ADCY4: variants seen among roughly 807,000 people sequenced by gnomAD.
The protein encoded by ADCY4 is adenylate cyclase type 4.
ADCY4 carries 111 observed loss-of-function variants against 125.5 expected under a neutral mutation model. The observed-to-expected ratio is 0.88, with a 90% CI of 0.76 to 1.04. The LOEUF is 1.04. ADCY4 is among the 50% of genes least tolerant of loss of function. The pLI is 0.00. For synonymous variants in ADCY4, 576 were observed against 586.9 expected (o/e 0.98, Z 0.27); for missense variants, 1,256 against 1,382.9 (o/e 0.91, Z 1.46).
chr14:24,328,260 G>A lies in ADCY4; in HGVS notation c.1524+801C>T, dbSNP rs549062835. Among the ~76,000 whole-genome samples, 84 of 151,876 alleles carry A rather than the reference G, an allele frequency of 5.5e-4. 1 individual carries two copies. Among genetic ancestry groups the A allele is most frequent in the Middle Eastern group, 3.4e-3 (1 of 292 alleles). On this transcript the variant is annotated intron_variant, in intron 10 of 24. Coordinates refer to ENST00000418030, the MANE Select transcript of ADCY4 (RefSeq NM_001198568.2). ...GGGGGGGGTCTCCCTTTCCCTGGGG[G>A]AGTTTAGAGAAGACTCTGCTCCTCC...
Position 24,319,510 on chromosome 14 carries a change from A to C in ADCY4, c.2734-74T>G, listed in dbSNP as rs781754772. The C allele has an allele frequency of 3.2e-5, 48 of 1,483,482 alleles. No individual in the cohort carries two copies. Among genetic ancestry groups the C allele is most frequent in the Non-Finnish European group, 4.1e-5 (44 of 1,068,482 alleles). 91.9% of individuals were successfully genotyped at this position (1,483,482 alleles called of 1,614,324 possible). On this transcript the variant is annotated intron_variant, in intron 21 of 24. Coordinates refer to ENST00000418030, the MANE Select transcript of ADCY4 (RefSeq NM_001198568.2). This position sits in a 1 kb window ranked among gnomAD's most constrained non-coding sequence, Gnocchi z 4.5. The stretch of plus-strand genomic sequence containing the variant: ...CACCTCTCCCAGAAGCCCAGCCCCA[A>C]GCCTTTGGAGTTAAAGGATCAGGCT...
In ADCY4 at chr14:24,326,310, C is replaced by G; in HGVS notation, c.1557G>C (p.Trp519Cys). 6.2e-7 allele frequency: 1 copy of G among 1,614,062 alleles called. No homozygotes were observed. Among genetic ancestry groups the G allele is most frequent in the Non-Finnish European group, 8.5e-7 (1 of 1,180,020 alleles). The change falls in exon 11 of 25, where the codon TGG becomes TGC. Residue 519 changes from tryptophan (W) to cysteine (C), a missense_variant. Physicochemically the swap from Trp to Cys is radical, Grantham distance 215 (BLOSUM62 -2). Coordinates refer to ENST00000418030, the MANE Select transcript of ADCY4 (RefSeq NM_001198568.2). Reference protein sequence around the residue: ...EKTLASFSTQWSLDRSRTPRG... With the variant: ...EKTLASFSTQCSLDRSRTPRG... ...TGAGGCCTCCTCACCGATCCAGGCT[C>G]CACTGGGTGCTGAAGGAAGCCAGGG...
chr14:24,328,929 C>A (rs750119468), intron 10 of ADCY4, 132 bp downstream of exon 10: 2 of 1,197,776 alleles, frequency 1.7e-6, no homozygotes, highest in African/African-American at 3.0e-5. Flanking sequence ...CAAGACAGTT[C>A]GGGACTTTGG....
chr14:24,332,736 G>A, intron 2 of ADCY4, 53 bp from the exon 3 acceptor site: 1 of 1,547,014 alleles, frequency 6.5e-7, no homozygotes, highest in Non-Finnish European at 8.8e-7. Context: ...TTCAAGGCCT[G>A]GTGAGGGATC....
chr14:24,329,329 G>A (rs551022536), intron 9 of ADCY4, 72 bp downstream of exon 9: 32 of 1,569,550 alleles, frequency 2.0e-5, no homozygotes, highest in Non-Finnish European at 2.6e-5. Context: ...CTCTGGCACA[G>A]AAGAGATCAG....
intron 10 of ADCY4, among the ~76,000 whole-genome samples, chr14:24,328,061 C>G (rs1054201244): frequency 1.2e-4 from 18 of 152,166 alleles, no homozygotes; most frequent in Admixed American, 1.2e-3. Flanking sequence ...GACCAGAAGA[C>G]AGGAGTGCGA....
rs372166752 is a variant in ADCY4, at chr14:24,333,007, G to A, written c.160-19C>T. The A allele has an allele frequency of 1.6e-5, 24 of 1,505,980 alleles. No homozygotes were observed. In the African/African-American group the frequency reaches 2.8e-4, roughly 18 times the overall value. The allele number at this position is 1,505,980 out of a possible 1,614,324, so 93.3% of individuals were successfully genotyped here. A position where few individuals can be genotyped will look rare whatever the true frequency, so the allele number is the denominator to read the frequency against. On this transcript the variant is annotated intron_variant, in intron 1 of 24. Transcript: ENST00000418030. ...TCAGCTCCTGTGGGCAGGGGTGTGT[G>A]AGGCAAGATTGTGACAGGGAGAAGG...
Position 24,332,039 on chromosome 14 carries a change from G to T in ADCY4, c.520-102C>A, listed in dbSNP as rs74036608. 427 of 1,346,072 alleles carry T rather than the reference G, an allele frequency of 3.2e-4. No homozygotes were observed. The African/African-American group carries it at 6.0e-3, about 19-fold the overall frequency. 83.4% of individuals were successfully genotyped at this position (1,346,072 alleles called of 1,614,324 possible). On this transcript the variant is annotated intron_variant, in intron 3 of 24. Transcript: ENST00000418030. ...TGGCTGGGGAAGACTGGGCTTTACAGTGAGGGACCTAACTATTGTGGGACA... is the reference window on the plus strand; with the variant it reads ...TGGCTGGGGAAGACTGGGCTTTACATTGAGGGACCTAACTATTGTGGGACA...
Position 24,319,746 on chromosome 14 carries a change from T to A in ADCY4, c.2729A>T (p.Asp910Val). The change falls in exon 21 of 25, where the codon GAT becomes GTT. Residue 910 changes from aspartate to valine, a missense_variant. Asp to Val is a radical substitution (Grantham distance 152, BLOSUM62 -3). Coordinates refer to ENST00000418030, the MANE Select transcript of ADCY4 (RefSeq NM_001198568.2). The surrounding 1 kb of genome is among the most constrained non-coding windows in gnomAD (Gnocchi z 4.5). ...GGAGACTCTTGGAATTTTCACCTCATCAAAATCAGCAATTATCTCATTGAG... is the reference window on the plus strand; with the variant it reads ...GGAGACTCTTGGAATTTTCACCTCAACAAAATCAGCAATTATCTCATTGAG... ...RLLNEIIADFDELLSKPKFSG... is the reference protein window; with the variant it reads ...RLLNEIIADFVELLSKPKFSG... 1 of 1,614,146 alleles carries A rather than the reference T, an allele frequency of 6.2e-7. No individual in the cohort carries two copies. The highest frequency in any genetic ancestry group is 8.5e-7 in the Non-Finnish European group (1 of 1,180,022).
chr14:24,320,344 A>G (rs2041833230), intron 20 of ADCY4, among the ~76,000 whole-genome samples: 1 of 152,220 alleles, frequency 6.6e-6, no homozygotes, highest in African/African-American at 2.4e-5. Context: ...GGGTAAGATA[A>G]TAAAGATGGA....
Position 24,328,885 on chromosome 14 carries a change from G to T in ADCY4, c.1524+176C>A, listed in dbSNP as rs571915444. On this transcript the variant is annotated intron_variant, in intron 10 of 24. Coordinates refer to ENST00000418030, the MANE Select transcript of ADCY4 (RefSeq NM_001198568.2). ...GGAGGGCTCTTTCTCTAGAAGGAGG[G>T]GCAAGGAAGGGCCTGAACCAGTGAC... 9 of 758,302 alleles carry T rather than the reference G, an allele frequency of 1.2e-5. No homozygotes were observed. In the African/African-American group the frequency reaches 1.6e-4, roughly 13 times the overall value. The allele number at this position is 758,302 out of a possible 1,614,324, so 47.0% of individuals were successfully genotyped here.
Position 24,326,122 on chromosome 14 carries a change from C to A in ADCY4, c.1612G>T (p.Asp538Tyr). Residue 538 changes from aspartate (D) to tyrosine (Y), a missense_variant, in exon 12 of 25, where the codon GAT becomes TAT. Physicochemically the swap from Asp to Tyr is radical, Grantham distance 160. Transcript: ENST00000418030. ...RGLDDELDTG[D>Y]AKFFQVIEQL... is the part of the protein sequence containing the mutation. ...TCAATGACCTGGAAGAACTTGGCATCCCCGGTGTCCAGTTCATCATCTAGT... is the reference window on the plus strand; with the variant it reads ...TCAATGACCTGGAAGAACTTGGCATACCCGGTGTCCAGTTCATCATCTAGT... 1 of 1,588,920 alleles carries A rather than the reference C, an allele frequency of 6.3e-7. No individual in the cohort carries two copies. The highest frequency in any genetic ancestry group is 8.6e-7 in the Non-Finnish European group (1 of 1,165,308).
Position 24,331,839 on chromosome 14 carries a change from T to C in ADCY4, c.618A>G (p.Ala206=). The C allele has an allele frequency of 1.2e-6, 2 of 1,604,240 alleles. No individual in the cohort carries two copies. The highest frequency in any genetic ancestry group is 1.7e-5 in the Admixed American group (1 of 59,754). The change falls in exon 4 of 25, where the codon GCA becomes GCG. Residue 206 remains alanine, a synonymous_variant. Transcript: ENST00000418030. ...GCCGGCGTGAGTGCAGGGAGCTGAGTGCCTCCCGGAACGTGGCCCGCAGGG... is the reference window on the plus strand; with the variant it reads ...GCCGGCGTGAGTGCAGGGAGCTGAGCGCCTCCCGGAACGTGGCCCGCAGGG... ...ERALRATFRE[A]LSSLHSRRRL...
At position 24,329,543 on chromosome 14, in the gene ADCY4, G is replaced by C; in HGVS notation, c.1218-10C>G. ...TGTGATGTGCACTCGCCTGGAAGGA[G>C]GGAGGCAGTAGGGGTCAGCAGGGAG... is the stretch of plus-strand genomic sequence containing the variant. On this transcript the variant is annotated splice_polypyrimidine_tract_variant and intron_variant, in intron 8 of 24. Transcript: ENST00000418030. The C allele has an allele frequency of 6.6e-7, 1 of 1,516,120 alleles. No homozygotes were observed. The highest frequency in any genetic ancestry group is 1.3e-5 in the South Asian group (1 of 75,442). 93.9% of individuals were successfully genotyped at this position (1,516,120 alleles called of 1,614,324 possible).
rs2041905549 is a variant in ADCY4, at chr14:24,324,328, G to C, written c.1887C>G (p.Val629=). ...TFLLFLLILF[V]CFSEDLMRCV... ...TCACCATCAGGTCCTCTGAGAAGCA[G>C]ACAAAAAGGATGAGGAGGAAGAGGA... The change falls in exon 15 of 25, where the codon GTC becomes GTG. Residue 629 remains valine, a synonymous_variant. Coordinates refer to ENST00000418030, the MANE Select transcript of ADCY4 (RefSeq NM_001198568.2). The C allele has an allele frequency of 6.2e-6, 10 of 1,614,222 alleles. No individual in the cohort carries two copies. Among genetic ancestry groups the C allele is most frequent in the Non-Finnish European group, 8.5e-6 (10 of 1,180,042 alleles).
Position 24,319,003 on chromosome 14 carries a change from G to T in ADCY4, c.2956+95C>A. ...GGAGTGAGTCAGGAAAGGGGCTTCA[G>T]GATGAACTGGGAGCAGCTAACAAAG... On this transcript the variant is annotated intron_variant, in intron 23 of 24. Transcript: ENST00000418030. The surrounding 1 kb of genome is among the most constrained non-coding windows in gnomAD (Gnocchi z 4.5). 1 of 1,498,294 alleles carries T rather than the reference G, an allele frequency of 6.7e-7. No individual in the cohort carries two copies. Among genetic ancestry groups the T allele is most frequent in the Non-Finnish European group, 9.2e-7 (1 of 1,086,910 alleles). The allele number at this position is 1,498,294 out of a possible 1,614,324, so 92.8% of individuals were successfully genotyped here. A position where few individuals can be genotyped will look rare whatever the true frequency, so the allele number is the denominator to read the frequency against.
rs1282152167 is a variant in ADCY4 at position 24,325,275 on chromosome 14, G to A, written c.1823+102C>T. Reference sequence around the variant, plus strand: ...TTTCCTCTGTGGGTAAGTGCCTGAAGCTAAGGGGAAGGGGTGAAGGAAGAA... The same window carrying A: ...TTTCCTCTGTGGGTAAGTGCCTGAAACTAAGGGGAAGGGGTGAAGGAAGAA... On this transcript the variant is annotated intron_variant, in intron 14 of 24. Coordinates refer to ENST00000418030, the MANE Select transcript of ADCY4 (RefSeq NM_001198568.2). 3.2e-6 allele frequency: 3 copies of A among 938,144 alleles called. No individual in the cohort carries two copies. The Admixed American group carries it at 5.8e-5, about 18-fold the overall frequency. The allele number at this position is 938,144 out of a possible 1,614,324, so 58.1% of individuals were successfully genotyped here. A position where few individuals can be genotyped will look rare whatever the true frequency, so the allele number is the denominator to read the frequency against.
chr14:24,332,360 T>C (rs2139225930), intron 3 of ADCY4, 162 bp downstream of exon 3: 3 of 768,246 alleles, frequency 3.9e-6, no homozygotes, highest in Non-Finnish European at 6.0e-6. Flanking sequence ...ACAGCAGGCA[T>C]TGCATCACAC....
chr14:24,331,585 A>C, intron 4 of ADCY4: 1 of 916,264 alleles, frequency 1.1e-6, no homozygotes, highest in East Asian at 2.7e-5. Flanking sequence ...TTAATATCAT[A>C]ATGCTCTAAA....
Sources: gnomAD v4.1 joint callset for allele counts (sites outside exome capture counted in the v4.1 genomes callset) on GRCh38, gnomAD v4.1.1 for gene constraint, Gnocchi (gnomAD v3.1) non-coding constraint, MANE v1.5 for transcripts, NCBI Gene and HGNC (gene_info 2026-07-23, HGNC 2026-07-21) for gene names.